The following ZNF341 variants were observed in gnomAD, a reference collection of about 807,000 sequenced individuals.
ZNF341 encodes zinc finger protein 341.
ZNF341 carries 52 observed loss-of-function variants against 87.7 expected under a neutral mutation model. The observed-to-expected ratio is 0.59, with a 90% CI of 0.47 to 0.75. The LOEUF (loss-of-function observed/expected upper bound fraction) is 0.75. Among genes scored for constraint, ZNF341 ranks in the 30% least tolerant of loss-of-function variants. The probability of loss-of-function intolerance (pLI) is 0.00; values close to 1 mark genes in which losing one functional copy is unlikely to be tolerated. For synonymous variants in ZNF341, 459 were observed against 472.7 expected (o/e 0.97, Z 0.38); for missense variants, 977 against 1,145.9 (o/e 0.85, Z 2.13).
At chr20:33,748,786 A>T in intron 3 of ZNF341, 137 bp from the exon 4 acceptor site, 1 of 832,610 alleles carries the variant, frequency 1.2e-6, no homozygotes, top group Non-Finnish European at 1.8e-6. Context: ...GTGGGATTCC[A>T]GAACCTGGAT....
At chr20:33,747,633 AAAAAAAAAAC>A (rs1568937046) in intron 3 of ZNF341, among the ~76,000 whole-genome samples, 3 of 132,610 alleles carry the variant, frequency 2.3e-5, no homozygotes, top group African/African-American at 7.6e-5. Flanking sequence ...AAAAAAAAAA[AAAAAAAAAAC>A]ACAGTCATTT....
chr20:33,762,954 A>G (rs1407374435), intron 8 of ZNF341, among the ~76,000 whole-genome samples: 1 of 152,220 alleles, frequency 6.6e-6, no homozygotes, highest in Non-Finnish European at 1.5e-5. Context: ...GTGAACTGAT[A>G]AAAGTAGAAA....
chr20:33,764,004 T>C (rs1371746207), intron 8 of ZNF341, among the ~76,000 whole-genome samples: 3 of 149,714 alleles, frequency 2.0e-5, no homozygotes, highest in Admixed American at 2.0e-4. Context: ...GGCAATATGG[T>C]AAAACCCATC....
At chr20:33,778,659 G>A (rs577659160) in intron 10 of ZNF341, among the ~76,000 whole-genome samples, 40 of 152,252 alleles carry the variant, frequency 2.6e-4, no homozygotes, top group South Asian at 1.7e-3. Flanking sequence ...TTCAGAGTGC[G>A]GTCTATGGGG....
At position 33,788,926 on chromosome 20, in the gene ZNF341, G is replaced by A. The variant is rs774532521; in HGVS notation, c.1916G>A (p.Arg639Lys). Residue 639 changes from arginine (R) to lysine (K), a missense_variant, in exon 13 of 15, where the codon AGA becomes AAA. This residue lies in a region of ZNF341 where 241 missense variants were observed against 335.0 expected (regional missense o/e 0.72). Coordinates refer to ENST00000375200, the MANE Select transcript of ZNF341 (RefSeq NM_001282933.2). ...SAFNRKDKLKRHMLIHEPFKK... is the reference protein window; with the variant it reads ...SAFNRKDKLKKHMLIHEPFKK... The stretch of plus-strand genomic sequence containing the variant: ...TTCAACCGCAAGGACAAACTGAAGA[G>A]ACACATGTTGATCCACGAGCCCTTC... 1.2e-6 allele frequency: 2 copies of A among 1,614,066 alleles called. No individual in the cohort carries two copies. The highest frequency in any genetic ancestry group is 1.7e-5 in the Admixed American group (1 of 60,020).
chr20:33,758,647 A>T, intron 6 of ZNF341, 69 bp from the exon 7 acceptor site: 1 of 1,268,546 alleles, frequency 7.9e-7, no homozygotes, highest in Non-Finnish European at 1.1e-6. Context: ...TACAGTAGTC[A>T]GAGGCTGCCC....
Position 33,732,149 on chromosome 20 carries a change from G to A in ZNF341, c.31+97G>A, listed in dbSNP as rs1158798928. The A allele has an allele frequency of 1.9e-4, 186 of 955,130 alleles. No homozygotes were observed. Among genetic ancestry groups the A allele is most frequent in the Non-Finnish European group, 2.3e-4 (181 of 800,400 alleles). 59.2% of individuals were successfully genotyped at this position (955,130 alleles called of 1,614,324 possible). On this transcript the variant is annotated intron_variant, in intron 1 of 14. Coordinates refer to ENST00000375200, the MANE Select transcript of ZNF341 (RefSeq NM_001282933.2). The surrounding 1 kb of genome is among the most constrained non-coding windows in gnomAD (Gnocchi z 4.5). ...CCGGCCTAGGGCGCGCAGCGGCCGC[G>A]GGGCGGAGGGCGCCGGGGCTGGAAC... is the stretch of plus-strand genomic sequence containing the variant.
chr20:33,778,648 T>C (rs2019674142), intron 10 of ZNF341, among the ~76,000 whole-genome samples: 1 of 152,154 alleles, frequency 6.6e-6, no homozygotes. Flanking sequence ...TAGTGTGTAG[T>C]TTCAGAGTGC....
Position 33,732,013 on chromosome 20 carries a change from G to T in ZNF341, c.-9G>T. On this transcript the variant is annotated 5_prime_UTR_variant, in exon 1 of 15. Transcript: ENST00000375200. The surrounding 1 kb of genome is among the most constrained non-coding windows in gnomAD (Gnocchi z 4.5). ...CGGTTCCTGTGGCGGCGACGGCGGC[G>T]GCTCCAAGATGGCGCAGGCGATCTT... is the stretch of plus-strand genomic sequence containing the variant. The T allele has an allele frequency of 7.0e-7, 1 of 1,433,022 alleles. No homozygotes were observed. The allele number at this position is 1,433,022 out of a possible 1,614,324, so 88.8% of individuals were successfully genotyped here.
chr20:33,735,143 G>A (rs2018652283), intron 1 of ZNF341, among the ~76,000 whole-genome samples: 1 of 151,774 alleles, frequency 6.6e-6, no homozygotes, highest in South Asian at 2.1e-4. Context: ...CGATTCTCCT[G>A]CCTCAGCCTC....
At position 33,764,543 on chromosome 20, in the gene ZNF341, G is replaced by GTATATATATATATA. The variant is rs1171402724; in HGVS notation, c.1223-2302_1223-2289dup. Among the ~76,000 whole-genome samples the GTATATATATATATA allele has an allele frequency of 5.7e-3, 398 of 69,234 alleles. 15 individuals carry two copies. In the East Asian group the frequency reaches 0.059, roughly 10 times the overall value. 45.4% of individuals were successfully genotyped at this position (69,234 alleles called of 152,430 possible). The stretch of plus-strand genomic sequence containing the variant: ...TATATATATGTGTGTGTGTGTATGT[G>GTATATATATATATA]TATATATATATATATATATTTTTTT... On this transcript the variant is annotated intron_variant, in intron 8 of 14. Coordinates refer to ENST00000375200, the MANE Select transcript of ZNF341 (RefSeq NM_001282933.2).
In ZNF341 at chr20:33,766,833, C is replaced by T. The variant is rs2019415782; in HGVS notation, c.1223-18C>T. ...ATGGGCCGGCTCCTTGTCCTGACTT[C>T]CCTGGCTTTCTCCACAGGGTTGGGC... is the stretch of plus-strand genomic sequence containing the variant. On this transcript the variant is annotated intron_variant, in intron 8 of 14. Transcript: ENST00000375200. 2 of 1,588,876 alleles carry T rather than the reference C, an allele frequency of 1.3e-6. No individual in the cohort carries two copies. The highest frequency in any genetic ancestry group is 1.7e-5 in the Admixed American group (1 of 58,048).
intron 8 of ZNF341, among the ~76,000 whole-genome samples, chr20:33,764,781 G>A (rs986176740): frequency 6.6e-6 from 1 of 150,594 alleles, no homozygotes; most frequent in African/African-American, 2.4e-5. Flanking sequence ...TACACTTATA[G>A]CACATCTGGA....
Position 33,732,167 on chromosome 20 carries a change from G to T in ZNF341, c.31+115G>T, listed in dbSNP as rs1381458359. On this transcript the variant is annotated intron_variant, in intron 1 of 14. Transcript: ENST00000375200. This position sits in a 1 kb window ranked among gnomAD's most constrained non-coding sequence, Gnocchi z 4.5. Reference sequence around the variant, plus strand: ...CGGCCGCGGGGCGGAGGGCGCCGGGGCTGGAACAGCCGCGGGGCGGGAGGG... The same window carrying T: ...CGGCCGCGGGGCGGAGGGCGCCGGGTCTGGAACAGCCGCGGGGCGGGAGGG... The T allele has an allele frequency of 1.9e-5, 16 of 854,156 alleles. No homozygotes were observed. The highest frequency in any genetic ancestry group is 7.0e-6 in the Non-Finnish European group (5 of 710,582). 52.9% of individuals were successfully genotyped at this position (854,156 alleles called of 1,614,324 possible).
chr20:33,753,229 C>T lies in ZNF341; in HGVS notation c.547C>T (p.Pro183Ser). The stretch of plus-strand genomic sequence containing the variant: ...CCTCACCCAGCCTCCACCTCCTCCT[C>T]CACCTCCTCCACCACTGCCCCCACC... ...SYLTQPPPPP[P>S]PPPPLPPPPP... is the part of the protein sequence containing the mutation. The change falls in exon 5 of 15, where the codon CCA becomes TCA. Residue 183 changes from proline (P) to serine (S), a missense_variant. By Grantham distance (74) the Pro-to-Ser change is moderately conservative. Coordinates refer to ENST00000375200, the MANE Select transcript of ZNF341 (RefSeq NM_001282933.2). The T allele has an allele frequency of 6.2e-7, 1 of 1,611,988 alleles. No individual in the cohort carries two copies. Among genetic ancestry groups the T allele is most frequent in the Non-Finnish European group, 8.5e-7 (1 of 1,179,976 alleles).
At chr20:33,761,368 A>G (rs907111329) in intron 7 of ZNF341, among the ~76,000 whole-genome samples, 3 of 152,042 alleles carry the variant, frequency 2.0e-5, no homozygotes, top group African/African-American at 7.2e-5. Context: ...GGGTTCAAGC[A>G]ATTCTCCTGC....
At chr20:33,777,484 A>AT (rs934322865) in intron 10 of ZNF341, among the ~76,000 whole-genome samples, 1 of 151,996 alleles carries the variant, frequency 6.6e-6, no homozygotes, top group Admixed American at 6.6e-5. Flanking sequence ...AATTATAAAA[A>AT]TTAGCTGGGT....
At chr20:33,764,561 A>ATATTTTTT (rs1266929824) in intron 8 of ZNF341, among the ~76,000 whole-genome samples, 3 of 28,400 alleles carry the variant, frequency 1.1e-4, no homozygotes, top group African/African-American at 2.2e-4. Flanking sequence ...ATATATATAT[A>ATATTTTTT]TTTTTTTTTT....
Position 33,791,118 on chromosome 20 carries a change from C to T in ZNF341, c.2166C>T (p.Arg722=), listed in dbSNP as rs749750650. 3.8e-5 allele frequency: 62 copies of T among 1,613,246 alleles called. No homozygotes were observed. In the Admixed American group the frequency reaches 9.7e-4, roughly 25 times the overall value. ...RCAGCAKGFS[R]HKYLKDHRCR... ...CTGGCTGCGCCAAGGGCTTTTCCCG[C>T]CACAAATACCTCAAAGATCACCGCT... Residue 722 remains arginine, a synonymous_variant, in exon 15 of 15, where the codon CGC becomes CGT. Transcript: ENST00000375200.
Sources: allele counts gnomAD v4.1 joint callset (sites outside exome capture counted in the v4.1 genomes callset), GRCh38; gene constraint gnomAD v4.1.1; regional missense constraint gnomAD v4.1.1; non-coding constraint Gnocchi (gnomAD v3.1); transcripts MANE v1.5; gene names NCBI Gene and HGNC (gene_info 2026-07-23, HGNC 2026-07-21).